PPP1R2: variants seen among roughly 807,000 people sequenced by gnomAD.
The protein encoded by PPP1R2 is protein phosphatase inhibitor 2.
PPP1R2 carries 16 observed loss-of-function variants against 29.9 expected under a neutral mutation model. That is an observed-to-expected ratio of 0.53 (90% CI 0.36 to 0.81). The LOEUF is 0.81. PPP1R2 is among the 30% of genes least tolerant of loss of function. PPP1R2 has a pLI of 0.00. For synonymous variants in PPP1R2, 76 were observed against 91.5 expected (o/e 0.83, Z 0.96); for missense variants, 197 against 252.7 (o/e 0.78, Z 1.49).
Position 195,524,748 on chromosome 3 carries a change from G to A in PPP1R2, c.308+71C>T, listed in dbSNP as rs549985725. 8.3e-5 allele frequency: 118 copies of A among 1,422,930 alleles called. 2 individuals are homozygous for A. In the South Asian group the frequency reaches 1.2e-3, roughly 14 times the overall value. The allele number at this position is 1,422,930 out of a possible 1,614,324, so 88.1% of individuals were successfully genotyped here. On this transcript the variant is annotated intron_variant, in intron 3 of 5. Coordinates refer to ENST00000618156, the MANE Select transcript of PPP1R2 (RefSeq NM_006241.8). ...TTCCCGCTCATACAGGGACAGCCAC[G>A]CAGGCTGCTTTCAACTCTGCACGAT...
Position 195,542,925 on chromosome 3 carries a change from C to T in PPP1R2, c.101G>A (p.Gly34Glu), listed in dbSNP as rs1301706642. 13 of 1,603,064 alleles carry T rather than the reference C, an allele frequency of 8.1e-6. No homozygotes were observed. The highest frequency in any genetic ancestry group is 1.1e-5 in the South Asian group (1 of 89,040). ...SMVASAEQPR[G>E]NVDEELSKKS... ...TCACCTCAGCTCCTCGTCGACATTCCCGCGGGGCTGTTCGGCCGACGCCAC... is the reference window on the plus strand; with the variant it reads ...TCACCTCAGCTCCTCGTCGACATTCTCGCGGGGCTGTTCGGCCGACGCCAC... The change falls in exon 1 of 6, where the codon GGG (glycine) becomes GAG (glutamate). Residue 34 changes from glycine (G) to glutamate (E), a missense_variant. Physicochemically the swap from Gly to Glu is moderately conservative, Grantham distance 98 (BLOSUM62 -2). This residue lies in a region of PPP1R2 where 54 missense variants were observed against 60.6 expected (regional missense o/e 0.89). Transcript: ENST00000618156.
chr3:195,537,481 T>TTGTG (rs71180930), intron 1 of PPP1R2, among the ~76,000 whole-genome samples: 3,429 of 128,548 alleles, frequency 0.027, 81 homozygotes, highest in Non-Finnish European at 0.035. Flanking sequence ...GGATTAGCTA[T>TTGTG]TGTGTGTGTG....
intron 2 of PPP1R2, chr3:195,527,992 C>T (rs1175122160): frequency 1.0e-5 from 3 of 290,270 alleles, no homozygotes; most frequent in African/African-American, 2.3e-5. Flanking sequence ...TTTTTCTTCC[C>T]CTCAATTTAT....
chr3:195,540,493 T>C (rs920375289), intron 1 of PPP1R2, among the ~76,000 whole-genome samples: 1 of 152,188 alleles, frequency 6.6e-6, no homozygotes, highest in African/African-American at 2.4e-5. Flanking sequence ...AATAATAATG[T>C]ATATTTGGTA....
intron 2 of PPP1R2, 184 bp downstream of exon 2, chr3:195,529,610 T>C: frequency 2.1e-6 from 1 of 467,858 alleles, no homozygotes; most frequent in Non-Finnish European, 3.7e-6. Flanking sequence ...ATGGCTTTCT[T>C]AATTTTAAAC....
Position 195,516,788 on chromosome 3 carries a change from G to A in PPP1R2, c.*108C>T, listed in dbSNP as rs956316703. On this transcript the variant is annotated 3_prime_UTR_variant, in exon 6 of 6. Coordinates refer to ENST00000618156, the MANE Select transcript of PPP1R2 (RefSeq NM_006241.8). ...TAATTCTTGGCAATATATAATAACTGGTATGCATTTTGGTACTTAAGTCAT... is the reference window on the plus strand; with the variant it reads ...TAATTCTTGGCAATATATAATAACTAGTATGCATTTTGGTACTTAAGTCAT... 2.9e-5 allele frequency: 25 copies of A among 857,066 alleles called. No homozygotes were observed. Among genetic ancestry groups the A allele is most frequent in the Non-Finnish European group, 4.8e-5 (25 of 525,242 alleles). 53.1% of individuals were successfully genotyped at this position (857,066 alleles called of 1,614,324 possible).
Position 195,521,314 on chromosome 3 carries a change from C to CAAAAAA in PPP1R2, c.404-2135_404-2130dup, listed in dbSNP as rs869228346. On this transcript the variant is annotated intron_variant, in intron 4 of 5. Coordinates refer to ENST00000618156, the MANE Select transcript of PPP1R2 (RefSeq NM_006241.8). ...TGGGCGACAGAGCAGGACTCTGTCT[C>CAAAAAA]AAAAAAAAAAAAAAAAAAAAAAAAG... Among the ~76,000 whole-genome samples the CAAAAAA allele has an allele frequency of 2.6e-4, 15 of 56,608 alleles. 1 individual carries two copies. The highest frequency in any genetic ancestry group is 8.5e-4 in the Admixed American group (3 of 3,536). The allele number at this position is 56,608 out of a possible 152,430, so 37.1% of individuals were successfully genotyped here.
In PPP1R2 at chr3:195,537,989, G is replaced by C. The variant is rs145746568; in HGVS notation, c.122+4915C>G. ...AGTGATGGCAGAATTAACATTAGTT[G>C]TGGAATAGCAAAACCCAAGGAGTGA... On this transcript the variant is annotated intron_variant, in intron 1 of 5. Coordinates refer to ENST00000618156, the MANE Select transcript of PPP1R2 (RefSeq NM_006241.8). Among the ~76,000 whole-genome samples, 690 of 152,352 alleles carry C rather than the reference G, an allele frequency of 4.5e-3. 3 individuals carry two copies. The highest frequency in any genetic ancestry group is 8.1e-3 in the Non-Finnish European group (548 of 68,042).
At chr3:195,529,527 A>G (rs1349209571) in intron 2 of PPP1R2, 3 of 266,778 alleles carry the variant, frequency 1.1e-5, no homozygotes, top group Non-Finnish European at 2.1e-5. Flanking sequence ...AAACTAATAT[A>G]TGCACCATTA....
At chr3:195,536,293 TAAA>T (rs10645669) in intron 1 of PPP1R2, among the ~76,000 whole-genome samples, 1,730 of 115,512 alleles carry the variant, frequency 0.015, 32 homozygotes, top group African/African-American at 0.048. Flanking sequence ...ACCCTGTCTT[TAAA>T]AAAAAAAAAA....
chr3:195,540,646 G>A (rs905696677), intron 1 of PPP1R2, among the ~76,000 whole-genome samples: 2 of 152,114 alleles, frequency 1.3e-5, no homozygotes, highest in African/African-American at 4.8e-5. Context: ...ACGGATTAAT[G>A]GGTTATCAAG....
intron 1 of PPP1R2, among the ~76,000 whole-genome samples, chr3:195,534,709 A>G (rs1398225613): frequency 1.3e-5 from 2 of 151,980 alleles, no homozygotes; most frequent in Non-Finnish European, 2.9e-5. Context: ...TAAAAAAAAA[A>G]GAGAGATAGG....
rs1186534650 is a variant in PPP1R2, at chr3:195,528,702, A to ATTTTTTTTTTTTTTTT, written c.230+1076_230+1091dup. On this transcript the variant is annotated intron_variant, in intron 2 of 5. Coordinates refer to ENST00000618156, the MANE Select transcript of PPP1R2 (RefSeq NM_006241.8). ...AATACAAGGTAGGTAGGGCATAACT[A>ATTTTTTTTTTTTTTTT]TTTTTTTTTTTTTTTTTTTTTTTTT... 8.3e-5 allele frequency: 5 copies of ATTTTTTTTTTTTTTTT among 59,968 alleles called. 1 individual carries two copies. The highest frequency in any genetic ancestry group is 1.1e-4 in the Non-Finnish European group (4 of 36,162). The allele number at this position is 59,968 out of a possible 1,614,324, so 3.7% of individuals were successfully genotyped here. A position where few individuals can be genotyped will look rare whatever the true frequency, so the allele number is the denominator to read the frequency against.
rs116557020 is a variant in PPP1R2 at position 195,531,688 on chromosome 3, G to A, written c.123-1787C>T. 4.4e-3 allele frequency among the ~76,000 whole-genome samples: 668 copies of A among 152,186 alleles called. 5 individuals carry two copies. The highest frequency in any genetic ancestry group is 0.015 in the African/African-American group (605 of 41,500). On this transcript the variant is annotated intron_variant, in intron 1 of 5. Coordinates refer to ENST00000618156, the MANE Select transcript of PPP1R2 (RefSeq NM_006241.8). ...TTTTGTTTTTTGGTTAATCTTCCCT[G>A]TATCATTCCAATTTTAGTGCACGTG...
intron 5 of PPP1R2, 133 bp from the exon 6 acceptor site, chr3:195,517,075 C>A: frequency 3.0e-6 from 2 of 667,082 alleles, no homozygotes; most frequent in South Asian, 3.7e-5. Flanking sequence ...TTCATGTAGG[C>A]TGATTTAGAC....
intron 4 of PPP1R2, 80 bp downstream of exon 4, chr3:195,523,612 T>C: frequency 8.9e-7 from 1 of 1,126,974 alleles, no homozygotes; most frequent in Non-Finnish European, 1.3e-6. Context: ...TGAAAACCAT[T>C]TGCTCATCTT....
intron 2 of PPP1R2, chr3:195,527,949 C>A (rs1277049343): frequency 1.3e-5 from 4 of 308,318 alleles, no homozygotes; most frequent in Non-Finnish European, 1.9e-5. Context: ...TTTTAGCATG[C>A]GTATTTTTTT....
rs755392106 is a variant in PPP1R2 at position 195,516,979 on chromosome 3, A to AT, written c.572-38dup. On this transcript the variant is annotated intron_variant, in intron 5 of 5. Transcript: ENST00000618156. ...AAAGAAAAAGTCAACATAATTTGTT[A>AT]TATGTTGTCAACCCTGGCTAAAGTT... 63 of 1,564,602 alleles carry AT rather than the reference A, an allele frequency of 4.0e-5. 1 individual carries two copies. The South Asian group carries it at 6.6e-4, about 16-fold the overall frequency.
At chr3:195,521,775 C>T (rs773493429) in intron 4 of PPP1R2, among the ~76,000 whole-genome samples, 2 of 151,998 alleles carry the variant, frequency 1.3e-5, no homozygotes, top group Admixed American at 6.6e-5. Context: ...CCCAGCCTCC[C>T]GAGTAGCTGG....
Sources: gnomAD v4.1 joint callset for allele counts (sites outside exome capture counted in the v4.1 genomes callset) on GRCh38, gnomAD v4.1.1 for gene constraint, gnomAD v4.1.1 regional missense constraint, MANE v1.5 for transcripts, NCBI Gene and HGNC (gene_info 2026-07-23, HGNC 2026-07-21) for gene names.